Variants in PTPN13 observed in about 807,000 individuals in gnomAD.
PTPN13 encodes protein tyrosine phosphatase non-receptor type 13.
Under a neutral mutation model 284.0 loss-of-function variants are expected in PTPN13, and 191 were observed. The ratio of observed to expected loss-of-function variants is 0.67; its 90% CI spans 0.60 to 0.76. PTPN13 has a LOEUF of 0.76. PTPN13 is among the 30% of genes least tolerant of loss of function. The pLI is 0.00. For synonymous variants in PTPN13, 986 were observed against 1,022.3 expected (o/e 0.96, Z 0.68); for missense variants, 2,797 against 2,939.9 (o/e 0.95, Z 1.12).
chr4:86,788,037 T>G (rs1742189146), intron 40 of PTPN13, among the ~76,000 whole-genome samples: 1 of 152,186 alleles, frequency 6.6e-6, no homozygotes, highest in Non-Finnish European at 1.5e-5. Context: ...TAAATGGGAC[T>G]TTTGCTTTAG....
chr4:86,792,365 G>T (rs1004008051), intron 40 of PTPN13, among the ~76,000 whole-genome samples: 3 of 152,214 alleles, frequency 2.0e-5, no homozygotes, highest in African/African-American at 7.2e-5. Context: ...TGTGTGAAAA[G>T]ACCAAATCTA....
chr4:86,595,061 A>G (rs1038852741), intron 1 of PTPN13, among the ~76,000 whole-genome samples: 1 of 152,132 alleles, frequency 6.6e-6, no homozygotes, highest in East Asian at 1.9e-4. Flanking sequence ...AGAAAGCCGG[A>G]TTCTCGGGAA....
intron 1 of PTPN13, among the ~76,000 whole-genome samples, chr4:86,621,365 T>C (rs1368995175): frequency 1.3e-5 from 2 of 152,244 alleles, no homozygotes; most frequent in Non-Finnish European, 2.9e-5. Context: ...CCTAGAATTA[T>C]GGCAAAATGC....
Position 86,758,698 on chromosome 4 carries a change from G to A in PTPN13, c.3334G>A (p.Glu1112Lys), listed in dbSNP as rs1338273217. 8 of 1,613,338 alleles carry A rather than the reference G, an allele frequency of 5.0e-6. No homozygotes were observed. The highest frequency in any genetic ancestry group is 6.8e-6 in the Non-Finnish European group (8 of 1,179,490). ...YGLGFQIIGG[E>K]KMGRLDLGIF... ...TACAGGATTTCAAATTATTGGTGGGGAGAAGATGGGAAGACTGGACCTAGG... is the reference window on the plus strand; with the variant it reads ...TACAGGATTTCAAATTATTGGTGGGAAGAAGATGGGAAGACTGGACCTAGG... The change falls in exon 22 of 48, where the codon GAG becomes AAG. Residue 1112 changes from glutamate to lysine, a missense_variant. Glu to Lys is a moderately conservative substitution (Grantham distance 56, BLOSUM62 1). Coordinates refer to ENST00000411767, the MANE Select transcript of PTPN13 (RefSeq NM_080683.3).
At chr4:86,797,503 G>T (rs1221966943) in intron 41 of PTPN13, among the ~76,000 whole-genome samples, 2 of 151,114 alleles carry the variant, frequency 1.3e-5, no homozygotes, top group African/African-American at 4.9e-5. Flanking sequence ...AAAAAAAAAA[G>T]AAAGAAAAAA....
chr4:86,780,839 G>A (rs896334967), intron 36 of PTPN13, among the ~76,000 whole-genome samples: 1 of 152,132 alleles, frequency 6.6e-6, no homozygotes, highest in African/African-American at 2.4e-5. Flanking sequence ...CAAAATAAAT[G>A]TTCTGAATTA....
chr4:86,617,578 C>G (rs1720708647), intron 1 of PTPN13, among the ~76,000 whole-genome samples: 1 of 152,150 alleles, frequency 6.6e-6, no homozygotes, highest in Non-Finnish European at 1.5e-5. Flanking sequence ...CTCCCCCTTC[C>G]CCTTCCAGCA....
intron 10 of PTPN13, among the ~76,000 whole-genome samples, chr4:86,731,298 G>A (rs1489582046): frequency 6.6e-6 from 1 of 152,130 alleles, no homozygotes; most frequent in Non-Finnish European, 1.5e-5. Flanking sequence ...CCCACTCAGA[G>A]TCTAACTTGT....
Position 86,763,208 on chromosome 4 carries a change from T to C in PTPN13, c.4017+18T>C. 6.3e-7 allele frequency: 1 copy of C among 1,583,082 alleles called. No homozygotes were observed. Among genetic ancestry groups the C allele is most frequent in the Non-Finnish European group, 8.6e-7 (1 of 1,165,634 alleles). On this transcript the variant is annotated intron_variant, in intron 24 of 47. Coordinates refer to ENST00000411767, the MANE Select transcript of PTPN13 (RefSeq NM_080683.3). ...CAAAACAGGCATAGTTTAATTTTAA[T>C]ATTTTGGTTTTCTCATTTAACAAAG... is the stretch of plus-strand genomic sequence containing the variant.
chr4:86,764,548 A>G (rs1238975515), intron 24 of PTPN13, 45 bp from the exon 25 acceptor site: 2 of 1,328,192 alleles, frequency 1.5e-6, no homozygotes, highest in Non-Finnish European at 2.0e-6. Flanking sequence ...ATTATAATTC[A>G]TTTTGACTCT....
At chr4:86,618,552 C>T (rs1323626322) in intron 1 of PTPN13, among the ~76,000 whole-genome samples, 1 of 152,156 alleles carries the variant, frequency 6.6e-6, no homozygotes. Flanking sequence ...ATTCTTCCTA[C>T]CCATGAGCAT....
intron 14 of PTPN13, among the ~76,000 whole-genome samples, 153 bp from the exon 15 acceptor site, chr4:86,735,441 T>C (rs1156289215): frequency 6.6e-6 from 1 of 152,216 alleles, no homozygotes; most frequent in Non-Finnish European, 1.5e-5. Context: ...AAAGAAAGAC[T>C]GATGCATTTC....
Position 86,751,042 on chromosome 4 carries a change from G to C in PTPN13, c.3084G>C (p.Ala1028=). 1 of 1,606,966 alleles carries C rather than the reference G, an allele frequency of 6.2e-7. No homozygotes were observed. The highest frequency in any genetic ancestry group is 2.2e-5 in the East Asian group (1 of 44,798). Reference sequence around the variant, plus strand: ...CCCTCTTCAGTTCAAAGTCTGTTGCGAGTTTAAATAGAAGTCCTGAAAGGA... The same window carrying C: ...CCCTCTTCAGTTCAAAGTCTGTTGCCAGTTTAAATAGAAGTCCTGAAAGGA... The part of the protein sequence containing the change: ...VTKLNNSKSV[A]SLNRSPERRK... The change falls in exon 19 of 48, where the codon GCG becomes GCC. Residue 1028 remains alanine, a synonymous_variant. Coordinates refer to ENST00000411767, the MANE Select transcript of PTPN13 (RefSeq NM_080683.3).
intron 31 of PTPN13, among the ~76,000 whole-genome samples, chr4:86,772,484 G>A (rs548417456): frequency 6.6e-6 from 1 of 152,122 alleles, no homozygotes; most frequent in South Asian, 2.1e-4. Flanking sequence ...ATCCTGGGAG[G>A]CAGAGGCTGC....
rs776948515 is a variant in PTPN13 at position 86,807,533 on chromosome 4, C to T, written c.6746-27C>T. 22 of 1,537,086 alleles carry T rather than the reference C, an allele frequency of 1.4e-5. 1 individual carries two copies. In the Admixed American group the frequency reaches 3.4e-4, roughly 24 times the overall value. On this transcript the variant is annotated intron_variant, in intron 44 of 47. Coordinates refer to ENST00000411767, the MANE Select transcript of PTPN13 (RefSeq NM_080683.3). ...TGTTTAAAATGCATGATATGGATGGCTCTGTTTTGTGGTGGAAAATTCACA... is the reference window on the plus strand; with the variant it reads ...TGTTTAAAATGCATGATATGGATGGTTCTGTTTTGTGGTGGAAAATTCACA...
chr4:86,649,881 G>C (rs1278524756), intron 2 of PTPN13, among the ~76,000 whole-genome samples: 1 of 152,116 alleles, frequency 6.6e-6, no homozygotes, highest in African/African-American at 2.4e-5. Flanking sequence ...ATCATGCTTG[G>C]ATAATTTTTA....
intron 1 of PTPN13, among the ~76,000 whole-genome samples, chr4:86,612,661 A>G (rs1720032756): frequency 6.6e-6 from 1 of 152,242 alleles, no homozygotes; most frequent in Non-Finnish European, 1.5e-5. Flanking sequence ...TGATAAAGAG[A>G]AAATCTTAGA....
At chr4:86,732,843 C>G in intron 12 of PTPN13, 77 bp downstream of exon 12, 1 of 1,286,386 alleles carries the variant, frequency 7.8e-7, no homozygotes, top group Non-Finnish European at 1.1e-6. Context: ...GTTACCATGC[C>G]TGACCTCATT....
chr4:86,773,644 T>A (rs1740258468), intron 32 of PTPN13, among the ~76,000 whole-genome samples: 1 of 152,004 alleles, frequency 6.6e-6, no homozygotes. Flanking sequence ...GCCACTATAA[T>A]CTGATTACCC....
Sources: gnomAD v4.1 joint callset for allele counts (sites outside exome capture counted in the v4.1 genomes callset) on GRCh38, gnomAD v4.1.1 for gene constraint, MANE v1.5 for transcripts, NCBI Gene and HGNC (gene_info 2026-07-23, HGNC 2026-07-21) for gene names.